The following PDE8A variants were observed in gnomAD, a reference collection of about 807,000 sequenced individuals.
PDE8A encodes the protein high affinity cAMP-specific and IBMX-insensitive 3',5'-cyclic phosphodiesterase 8A.
In PDE8A, 59 loss-of-function variants were observed where a neutral mutation model predicts 105.0. The ratio of observed to expected loss-of-function variants is 0.56; its 90% CI spans 0.46 to 0.70. PDE8A has a LOEUF of 0.70. Among genes scored for constraint, PDE8A ranks in the 30% least tolerant of loss-of-function variants. The pLI, the probability that PDE8A is intolerant of heterozygous loss-of-function variation, is 0.00. For missense variants in PDE8A, 1,014 were observed against 1,045.9 expected, an observed-to-expected ratio of 0.97 and a Z score of 0.42; for synonymous variants, 355 against 371.9, an observed-to-expected ratio of 0.95 and a Z score of 0.52.
Position 85,050,763 on chromosome 15 carries a change from G to T in PDE8A, c.187-13607G>T, listed in dbSNP as rs558285655. 4.6e-5 allele frequency among the ~76,000 whole-genome samples: 7 copies of T among 152,174 alleles called. No individual in the cohort carries two copies. The East Asian group carries it at 1.3e-3, about 29-fold the overall frequency. ...CAGGAAGTGTGAGTTCTTCAGTTATGTTCTTTTCAGGATTGTTTTGGCTAT... is the reference window on the plus strand; with the variant it reads ...CAGGAAGTGTGAGTTCTTCAGTTATTTTCTTTTCAGGATTGTTTTGGCTAT... On this transcript the variant is annotated intron_variant, in intron 1 of 21. Transcript: ENST00000394553.
At chr15:85,034,345 C>A (rs972770838) in intron 1 of PDE8A, among the ~76,000 whole-genome samples, 10 of 151,968 alleles carry the variant, frequency 6.6e-5, no homozygotes, top group African/African-American at 2.4e-4. Flanking sequence ...CTTCAGTCCA[C>A]CAAGAGATAA....
Position 85,089,370 on chromosome 15 carries a change from A to G in PDE8A, c.668A>G (p.Asn223Ser). The G allele has an allele frequency of 6.3e-7, 1 of 1,594,098 alleles. No individual in the cohort carries two copies. Among genetic ancestry groups the G allele is most frequent in the Non-Finnish European group, 8.6e-7 (1 of 1,163,942 alleles). Residue 223 changes from asparagine (N) to serine (S), a missense_variant, in exon 7 of 22, where the codon AAC (asparagine) becomes AGC (serine). Coordinates refer to ENST00000394553, the MANE Select transcript of PDE8A (RefSeq NM_002605.3). ...ACNSVFTALE[N>S]SEDAIEITSE... Reference sequence around the variant, plus strand: ...AACTCAGTATTCACTGCATTAGAAAACAGTGAAGATGCAATTGAAATTACA... The same window carrying G: ...AACTCAGTATTCACTGCATTAGAAAGCAGTGAAGATGCAATTGAAATTACA...
chr15:85,114,143 A>G, intron 14 of PDE8A, 106 bp downstream of exon 14: 2 of 988,888 alleles, frequency 2.0e-6, no homozygotes, highest in Non-Finnish European at 3.1e-6. Context: ...AGGGCTCTGT[A>G]GGGTTCAGTC....
intron 5 of PDE8A, among the ~76,000 whole-genome samples, chr15:85,083,242 A>G (rs113335289): frequency 1.3e-5 from 2 of 152,338 alleles, no homozygotes; most frequent in African/African-American, 4.8e-5. Context: ...CACATGTTCT[A>G]GCCTTGCTTT....
intron 1 of PDE8A, among the ~76,000 whole-genome samples, chr15:85,039,535 C>G (rs1200549783): frequency 6.6e-6 from 1 of 151,676 alleles, no homozygotes; most frequent in Non-Finnish European, 1.5e-5. Context: ...CTTTGGAAAA[C>G]AGTATGGAGG....
intron 6 of PDE8A, among the ~76,000 whole-genome samples, chr15:85,086,894 AG>A (rs1299287088): frequency 1.3e-5 from 2 of 151,800 alleles, no homozygotes; most frequent in Non-Finnish European, 2.9e-5. Context: ...GGTATTACAG[AG>A]GTATGTGCCA....
Position 85,047,318 on chromosome 15 carries a change from G to A in PDE8A, c.187-17052G>A, listed in dbSNP as rs374198116. ...TCCTCTTTTCTAGAGCAGTCAGGAAGTTGTTTACTCTTTGAGGGCCCACTG... is the reference window on the plus strand; with the variant it reads ...TCCTCTTTTCTAGAGCAGTCAGGAAATTGTTTACTCTTTGAGGGCCCACTG... On this transcript the variant is annotated intron_variant, in intron 1 of 21. Transcript: ENST00000394553. Among the ~76,000 whole-genome samples the A allele has an allele frequency of 7.9e-5, 12 of 152,196 alleles. No individual in the cohort carries two copies. In the East Asian group the frequency reaches 1.5e-3, roughly 19 times the overall value.
intron 1 of PDE8A, among the ~76,000 whole-genome samples, chr15:85,031,003 G>T (rs971418869): frequency 6.6e-6 from 1 of 152,202 alleles, no homozygotes; most frequent in Non-Finnish European, 1.5e-5. Flanking sequence ...TCAGTACTCA[G>T]TATACGTTTA....
At position 85,112,410 on chromosome 15, in the gene PDE8A, A is replaced by G. The variant is rs1362884953; in HGVS notation, c.1115-967A>G. On this transcript the variant is annotated intron_variant, in intron 12 of 21. Coordinates refer to ENST00000394553, the MANE Select transcript of PDE8A (RefSeq NM_002605.3). ...TGTTGTTTGTTACAAGCATATATCA[A>G]TTATTTTTAAATGAAAACAAGTCCT... is the stretch of plus-strand genomic sequence containing the variant. Among the ~76,000 whole-genome samples the G allele has an allele frequency of 3.3e-5, 5 of 152,340 alleles. No individual in the cohort carries two copies. In the East Asian group the frequency reaches 9.6e-4, roughly 29 times the overall value.
At chr15:85,127,073 GT>G (rs1443263233) in intron 20 of PDE8A, among the ~76,000 whole-genome samples, 1 of 152,106 alleles carries the variant, frequency 6.6e-6, no homozygotes, top group Non-Finnish European at 1.5e-5. Flanking sequence ...ATGCACTCCT[GT>G]AGTCCCAAGC....
Position 85,067,223 on chromosome 15 carries a change from C to G in PDE8A, c.434+19C>G. The G allele has an allele frequency of 6.4e-7, 1 of 1,567,884 alleles. No homozygotes were observed. Among genetic ancestry groups the G allele is most frequent in the South Asian group, 1.2e-5 (1 of 86,600 alleles). ...TGTGCAGGTAAGCCCAAGACTCGGG[C>G]CTAAATAGTCCCATTGGCCTTTCTG... On this transcript the variant is annotated intron_variant, in intron 3 of 21. Coordinates refer to ENST00000394553, the MANE Select transcript of PDE8A (RefSeq NM_002605.3).
At chr15:85,085,363 A>G (rs1336190666) in intron 6 of PDE8A, among the ~76,000 whole-genome samples, 1 of 152,226 alleles carries the variant, frequency 6.6e-6, no homozygotes, top group Admixed American at 6.5e-5. Context: ...AAAAGCTGTA[A>G]CAAGCAGGGG....
rs568393941 is a variant in PDE8A, at chr15:85,111,471, A to G, written c.1115-1906A>G. Among the ~76,000 whole-genome samples, 4 of 152,342 alleles carry G rather than the reference A, an allele frequency of 2.6e-5. No homozygotes were observed. The East Asian group carries it at 7.7e-4, about 29-fold the overall frequency. ...TCGTCTATCACCATATTGAATAACC[A>G]TCTTTTGCAGTAGCACCATTATTAT... On this transcript the variant is annotated intron_variant, in intron 12 of 21. Transcript: ENST00000394553.
intron 1 of PDE8A, among the ~76,000 whole-genome samples, chr15:85,041,586 G>C (rs1042399335): frequency 2.6e-5 from 4 of 152,170 alleles, no homozygotes; most frequent in Admixed American, 2.0e-4. Flanking sequence ...CCACCATTTT[G>C]TTAAAAATGT....
chr15:85,043,589 A>G (rs1466166), intron 1 of PDE8A, among the ~76,000 whole-genome samples: 3,428 of 152,278 alleles, frequency 0.023, 82 homozygotes, highest in Admixed American at 0.066. Flanking sequence ...GAAAACTTAC[A>G]TTTGTCCCCT....
chr15:84,996,163 G>T (rs1360435047), intron 1 of PDE8A, among the ~76,000 whole-genome samples: 2 of 149,280 alleles, frequency 1.3e-5, no homozygotes, highest in Admixed American at 1.3e-4. Context: ...CTTTTTTTTA[G>T]ATAGTGTTTT....
intron 3 of PDE8A, among the ~76,000 whole-genome samples, chr15:85,070,486 CAG>C (rs1292169472): frequency 6.6e-6 from 1 of 152,076 alleles, no homozygotes; most frequent in Non-Finnish European, 1.5e-5. Flanking sequence ...GAGGTTTACG[CAG>C]AGTGTTGTGG....
chr15:85,071,539 A>G (rs1353742930), intron 3 of PDE8A, among the ~76,000 whole-genome samples: 1 of 152,246 alleles, frequency 6.6e-6, no homozygotes, highest in East Asian at 1.9e-4. Context: ...AACAAATTGC[A>G]TCAGTTCTCA....
chr15:85,039,965 A>G (rs909778937), intron 1 of PDE8A, among the ~76,000 whole-genome samples: 1 of 152,202 alleles, frequency 6.6e-6, no homozygotes, highest in African/African-American at 2.4e-5. Flanking sequence ...AAAAGAGGAT[A>G]CACTGGTCAG....
Sources: allele counts gnomAD v4.1 joint callset (sites outside exome capture counted in the v4.1 genomes callset), GRCh38; gene constraint gnomAD v4.1.1; transcripts MANE v1.5; gene names NCBI Gene and HGNC (gene_info 2026-07-23, HGNC 2026-07-21).